Variants in GABRB1 observed in about 807,000 individuals in gnomAD.
GABRB1 encodes gamma-aminobutyric acid receptor subunit beta-1.
In GABRB1, 17 loss-of-function variants were observed where a neutral mutation model predicts 51.6. That is an observed-to-expected ratio of 0.33 (90% CI 0.23 to 0.49). The LOEUF is 0.49. Among genes scored for constraint, GABRB1 ranks in the 20% least tolerant of loss-of-function variants. GABRB1 has a pLI of 0.99. For synonymous variants in GABRB1, 247 were observed against 218.9 expected (o/e 1.13, Z -1.14); for missense variants, 410 against 600.6 (o/e 0.68, Z 3.32).
At chr4:47,096,557 C>A (rs765587788) in intron 3 of GABRB1, among the ~76,000 whole-genome samples, 1 of 152,078 alleles carries the variant, frequency 6.6e-6, no homozygotes, top group Non-Finnish European at 1.5e-5. Flanking sequence ...CCTTATGTGG[C>A]AAAAGGAAAT....
At chr4:47,172,004 CG>C (rs1718455967) in intron 4 of GABRB1, among the ~76,000 whole-genome samples, 1 of 152,004 alleles carries the variant, frequency 6.6e-6, no homozygotes, top group African/African-American at 2.4e-5. Flanking sequence ...ATTCCACTGT[CG>C]TTTGTATATC....
intron 1 of GABRB1, among the ~76,000 whole-genome samples, chr4:47,004,680 A>T (rs1052982022): frequency 1.3e-5 from 2 of 152,150 alleles, no homozygotes; most frequent in African/African-American, 4.8e-5. Context: ...CAGACACTTG[A>T]TTTAAAAAAC....
chr4:47,260,520 T>A lies in GABRB1; in HGVS notation c.462-59607T>A, dbSNP rs1478651335. On this transcript the variant is annotated intron_variant, in intron 4 of 8. Transcript: ENST00000295454. ...TTCAGGAGCTCTTTTAGGGCAGGCC[T>A]GGTGGTGACAAAATCTCTCAGCATT... Among the ~76,000 whole-genome samples the A allele has an allele frequency of 3.9e-5, 6 of 152,316 alleles. No individual in the cohort carries two copies. In the East Asian group the frequency reaches 1.2e-3, roughly 29 times the overall value.
At chr4:47,066,116 T>C (rs1727068892) in intron 3 of GABRB1, among the ~76,000 whole-genome samples, 1 of 152,206 alleles carries the variant, frequency 6.6e-6, no homozygotes, top group Admixed American at 6.5e-5. Context: ...AAGCAAATAC[T>C]GCAATAAAGT....
At chr4:47,348,486 T>C (rs1057088181) in intron 5 of GABRB1, among the ~76,000 whole-genome samples, 3 of 152,202 alleles carry the variant, frequency 2.0e-5, no homozygotes, top group East Asian at 3.8e-4. Context: ...CCAGCATGTA[T>C]GTATATGGTA....
intron 3 of GABRB1, among the ~76,000 whole-genome samples, chr4:47,067,519 G>A (rs1336314483): frequency 6.6e-6 from 1 of 152,122 alleles, no homozygotes; most frequent in Non-Finnish European, 1.5e-5. Flanking sequence ...TCTTCTGGAT[G>A]ACTTGTAGCA....
chr4:47,357,989 C>T (rs1002887155), intron 5 of GABRB1, among the ~76,000 whole-genome samples: 18 of 152,154 alleles, frequency 1.2e-4, no homozygotes, highest in African/African-American at 4.1e-4. Context: ...AGGTGCTATG[C>T]TAAATGCTTC....
chr4:47,032,365 G>T, intron 2 of GABRB1, 52 bp from the exon 3 acceptor site: 1 of 1,493,230 alleles, frequency 6.7e-7, no homozygotes, highest in Non-Finnish European at 9.1e-7. Context: ...ACCCTCCCCA[G>T]CCTGCTGTCA....
intron 4 of GABRB1, among the ~76,000 whole-genome samples, chr4:47,188,725 TAAC>T (rs1255629888): frequency 6.6e-6 from 1 of 152,026 alleles, no homozygotes. Context: ...CATTAAATAA[TAAC>T]ATTTAATCAA....
chr4:47,243,325 C>A (rs1721608556), intron 4 of GABRB1, among the ~76,000 whole-genome samples: 1 of 152,180 alleles, frequency 6.6e-6, no homozygotes, highest in African/African-American at 2.4e-5. Flanking sequence ...TAGCGTGATG[C>A]CTCCAGCTTT....
At chr4:47,066,356 A>G (rs529778360) in intron 3 of GABRB1, among the ~76,000 whole-genome samples, 5 of 152,216 alleles carry the variant, frequency 3.3e-5, no homozygotes, top group African/African-American at 9.6e-5. Flanking sequence ...GTTTCTTAAA[A>G]TAAGACAATG....
intron 5 of GABRB1, among the ~76,000 whole-genome samples, chr4:47,340,298 C>T (rs1032460634): frequency 6.6e-6 from 1 of 152,004 alleles, no homozygotes; most frequent in African/African-American, 2.4e-5. Context: ...TACTCAAATG[C>T]TCCCCAGTAA....
Position 47,161,230 on chromosome 4 carries a change from T to C in GABRB1, c.241-19T>C, listed in dbSNP as rs754496664. 1 of 1,439,566 alleles carries C rather than the reference T, an allele frequency of 6.9e-7. No individual in the cohort carries two copies. The highest frequency in any genetic ancestry group is 2.1e-5 in the Admixed American group (1 of 48,510). The allele number at this position is 1,439,566 out of a possible 1,614,324, so 89.2% of individuals were successfully genotyped here. A position where few individuals can be genotyped will look rare whatever the true frequency, so the allele number is the denominator to read the frequency against. On this transcript the variant is annotated intron_variant, in intron 3 of 8. Coordinates refer to ENST00000295454, the MANE Select transcript of GABRB1 (RefSeq NM_000812.4). ...GATAGTAAAATTCTTTTTTTTTTTTTGCTTTCTTTATTTCACAGGATTATA... is the reference window on the plus strand; with the variant it reads ...GATAGTAAAATTCTTTTTTTTTTTTCGCTTTCTTTATTTCACAGGATTATA...
intron 4 of GABRB1, among the ~76,000 whole-genome samples, chr4:47,286,750 G>A (rs1723524216): frequency 2.6e-5 from 4 of 152,302 alleles, no homozygotes; most frequent in Middle Eastern, 3.4e-3. Flanking sequence ...TTCATATGAT[G>A]TGTTCAATGT....
chr4:47,092,415 C>T (rs374357743), intron 3 of GABRB1, among the ~76,000 whole-genome samples: 27 of 151,736 alleles, frequency 1.8e-4, no homozygotes, highest in African/African-American at 5.1e-4. Flanking sequence ...TAAGGTGATC[C>T]GCCCACCTCA....
intron 4 of GABRB1, among the ~76,000 whole-genome samples, chr4:47,298,237 C>G (rs1305073007): frequency 1.3e-5 from 2 of 152,076 alleles, no homozygotes; most frequent in Non-Finnish European, 2.9e-5. Flanking sequence ...GAAGTTCTGG[C>G]CAGGGCAATT....
At chr4:47,381,828 T>C (rs1306153825) in intron 5 of GABRB1, among the ~76,000 whole-genome samples, 2 of 152,226 alleles carry the variant, frequency 1.3e-5, no homozygotes, top group East Asian at 3.8e-4. Flanking sequence ...GAGAATTATT[T>C]AGGAAGTTTG....
At chr4:47,310,627 A>G (rs1271271341) in intron 4 of GABRB1, among the ~76,000 whole-genome samples, 1 of 152,174 alleles carries the variant, frequency 6.6e-6, no homozygotes. Flanking sequence ...CTGGGTTTGA[A>G]TCTCAGCATT....
intron 4 of GABRB1, among the ~76,000 whole-genome samples, chr4:47,267,611 A>C (rs564223326): frequency 6.6e-6 from 1 of 152,078 alleles, no homozygotes; most frequent in Non-Finnish European, 1.5e-5. Context: ...CCTGGCCAAC[A>C]ATGCAAAACC....
Sources: gnomAD v4.1 joint callset for allele counts (sites outside exome capture counted in the v4.1 genomes callset) on GRCh38, gnomAD v4.1.1 for gene constraint, MANE v1.5 for transcripts, NCBI Gene and HGNC (gene_info 2026-07-23, HGNC 2026-07-21) for gene names.